The following CCDC178 variants were observed in gnomAD, a reference collection of about 807,000 sequenced individuals.
CCDC178 encodes coiled-coil domain-containing protein 178.
In CCDC178, 126 loss-of-function variants were observed where a neutral mutation model predicts 117.4. The ratio of observed to expected loss-of-function variants is 1.07; its 90% CI spans 0.93 to 1.24. The LOEUF (loss-of-function observed/expected upper bound fraction) is 1.24. CCDC178 is among the 50% of genes most tolerant of loss of function. The probability of loss-of-function intolerance (pLI) is 0.00; values close to 1 mark genes in which losing one functional copy is unlikely to be tolerated. For synonymous variants in CCDC178, 283 were observed against 313.4 expected (o/e 0.90, Z 1.02); for missense variants, 1,030 against 986.9 (o/e 1.04, Z -0.59).
intron 10 of CCDC178, among the ~76,000 whole-genome samples, chr18:33,330,895 C>T (rs1014130901): frequency 1.3e-5 from 2 of 152,006 alleles, no homozygotes; most frequent in Non-Finnish European, 2.9e-5. Context: ...ATGTGAATCT[C>T]GTCCAAAAAA....
At chr18:33,324,224 T>G (rs535947798) in intron 10 of CCDC178, among the ~76,000 whole-genome samples, 3 of 152,020 alleles carry the variant, frequency 2.0e-5, no homozygotes, top group Admixed American at 2.0e-4. Context: ...TCACATTACT[T>G]TTACTTAACA....
chr18:33,327,757 TA>T (rs2062604642), intron 10 of CCDC178, among the ~76,000 whole-genome samples: 21 of 152,266 alleles, frequency 1.4e-4, no homozygotes, highest in Admixed American at 8.5e-4. Context: ...TTTCTGAAGA[TA>T]TGTCTATCTG....
At chr18:33,266,813 C>A in intron 14 of CCDC178, 103 bp downstream of exon 14, 1 of 1,171,820 alleles carries the variant, frequency 8.5e-7, no homozygotes, top group Non-Finnish European at 1.2e-6. Flanking sequence ...TACTGATAAA[C>A]AAAAACACCA....
intron 17 of CCDC178, among the ~76,000 whole-genome samples, chr18:33,224,110 A>T (rs2059272257): frequency 6.6e-6 from 1 of 152,190 alleles, no homozygotes; most frequent in Admixed American, 6.5e-5. Context: ...AAAGACTAAA[A>T]ATATAAAGTT....
At chr18:32,958,354 G>A in intron 22 of CCDC178, 1 of 341,676 alleles carries the variant, frequency 2.9e-6, no homozygotes, top group Non-Finnish European at 5.4e-6. Flanking sequence ...ATATACTTCT[G>A]GGAAAAGATA....
intron 19 of CCDC178, among the ~76,000 whole-genome samples, chr18:33,214,660 A>C (rs1265100920): frequency 6.6e-6 from 1 of 152,090 alleles, no homozygotes. Context: ...CTGCTTTTTC[A>C]CATAATATAG....
chr18:33,329,277 T>C (rs1294966134), intron 10 of CCDC178, among the ~76,000 whole-genome samples: 1 of 152,188 alleles, frequency 6.6e-6, no homozygotes, highest in African/African-American at 2.4e-5. Flanking sequence ...TGTGTGCCTT[T>C]TATTTCTTTT....
At chr18:33,024,593 C>T (rs755511026) in intron 21 of CCDC178, among the ~76,000 whole-genome samples, 7 of 152,086 alleles carry the variant, frequency 4.6e-5, no homozygotes, top group Non-Finnish European at 8.8e-5. Flanking sequence ...AAAATTGACA[C>T]ACTTTATAAC....
chr18:33,166,185 C>G (rs756507878), intron 20 of CCDC178, among the ~76,000 whole-genome samples: 3 of 152,096 alleles, frequency 2.0e-5, no homozygotes, highest in Non-Finnish European at 4.4e-5. Flanking sequence ...CTTATGGATC[C>G]CCAAGGGCTT....
intron 20 of CCDC178, among the ~76,000 whole-genome samples, chr18:33,156,281 G>C (rs527242918): frequency 6.6e-6 from 1 of 151,464 alleles, no homozygotes; most frequent in Non-Finnish European, 1.5e-5. Context: ...GTGGAGTTGA[G>C]ATTTCACAAT....
chr18:33,170,704 G>A (rs1436007522), intron 20 of CCDC178, among the ~76,000 whole-genome samples: 2 of 151,990 alleles, frequency 1.3e-5, no homozygotes, highest in African/African-American at 4.8e-5. Flanking sequence ...TAGCCATATT[G>A]TTACAAAATT....
chr18:33,050,874 C>G (rs1381850217), intron 21 of CCDC178, among the ~76,000 whole-genome samples: 1 of 152,086 alleles, frequency 6.6e-6, no homozygotes, highest in Admixed American at 6.6e-5. Context: ...TTTAGTTGCA[C>G]AGATTTCAGT....
At chr18:33,277,141 T>A (rs552717271) in intron 12 of CCDC178, among the ~76,000 whole-genome samples, 3 of 152,068 alleles carry the variant, frequency 2.0e-5, no homozygotes, top group Non-Finnish European at 4.4e-5. Context: ...ATTAAAGGCA[T>A]AAGAATTAAT....
intron 2 of CCDC178, among the ~76,000 whole-genome samples, chr18:33,412,340 G>A (rs1342095075): frequency 2.6e-5 from 4 of 151,852 alleles, no homozygotes; most frequent in African/African-American, 7.3e-5. Context: ...CTTTGCTAGT[G>A]ACTTAAACCA....
intron 20 of CCDC178, among the ~76,000 whole-genome samples, chr18:33,159,507 T>C (rs1450709856): frequency 6.6e-6 from 1 of 152,240 alleles, no homozygotes; most frequent in East Asian, 1.9e-4. Context: ...AAGAATTTGC[T>C]TTCTTGGCTA....
chr18:33,020,115 G>GT (rs749754333), intron 21 of CCDC178, among the ~76,000 whole-genome samples: 4,706 of 142,120 alleles, frequency 0.033, 128 homozygotes, highest in African/African-American at 0.078. Flanking sequence ...CCGGATAATT[G>GT]GTTTTTTTTT....
chr18:33,091,256 T>C (rs542682452), intron 21 of CCDC178, among the ~76,000 whole-genome samples: 1 of 150,460 alleles, frequency 6.6e-6, no homozygotes, highest in Non-Finnish European at 1.5e-5. Flanking sequence ...TGCAAAATGG[T>C]TTGAGGACAC....
At chr18:32,964,910 C>T (rs2054780223) in intron 22 of CCDC178, among the ~76,000 whole-genome samples, 1 of 151,886 alleles carries the variant, frequency 6.6e-6, no homozygotes, top group African/African-American at 2.4e-5. Flanking sequence ...TCATATGCCC[C>T]CCTCTCTATT....
At chr18:32,981,288 A>T (rs1399031024) in intron 21 of CCDC178, among the ~76,000 whole-genome samples, 1 of 152,240 alleles carries the variant, frequency 6.6e-6, no homozygotes, top group Non-Finnish European at 1.5e-5. Context: ...CACTATGTAA[A>T]AATGGCATTA....
Sources: allele counts gnomAD v4.1 joint callset (sites outside exome capture counted in the v4.1 genomes callset), GRCh38; gene constraint gnomAD v4.1.1; transcripts MANE v1.5; gene names NCBI Gene and HGNC (gene_info 2026-07-23, HGNC 2026-07-21).